PDE8A: variants seen among roughly 807,000 people sequenced by gnomAD.
PDE8A encodes the protein phosphodiesterase 8A.
In PDE8A, 59 loss-of-function variants were observed where a neutral mutation model predicts 105.0. The observed-to-expected ratio is 0.56, with a 90% confidence interval of 0.46 to 0.70. The LOEUF is 0.70. Among genes scored for constraint, PDE8A ranks in the 30% least tolerant of loss-of-function variants. The probability of loss-of-function intolerance (pLI) is 0.00; values close to 1 mark genes in which losing one functional copy is unlikely to be tolerated. For synonymous variants in PDE8A, 355 were observed against 371.9 expected (o/e 0.95, Z 0.52); for missense variants, 1,014 against 1,045.9 (o/e 0.97, Z 0.42).
chr15:85,105,656 G>C (rs1215712565), intron 11 of PDE8A, among the ~76,000 whole-genome samples: 1 of 152,148 alleles, frequency 6.6e-6, no homozygotes, highest in Non-Finnish European at 1.5e-5. Context: ...AGAGTTTATG[G>C]ACCCTATTTT....
intron 1 of PDE8A, among the ~76,000 whole-genome samples, chr15:85,020,249 T>G (rs1410207051): frequency 6.6e-6 from 1 of 152,172 alleles, no homozygotes; most frequent in South Asian, 2.1e-4. Flanking sequence ...TTGAAGTCCT[T>G]CAGTCACAGT....
chr15:85,099,210 G>T (rs921220343), intron 9 of PDE8A, among the ~76,000 whole-genome samples: 3 of 152,188 alleles, frequency 2.0e-5, no homozygotes, highest in African/African-American at 7.2e-5. Context: ...GTGAGGTTGG[G>T]ACTGTGATCG....
At chr15:85,113,572 A>T (rs2082050742) in intron 13 of PDE8A, 125 bp downstream of exon 13, 2 of 839,014 alleles carry the variant, frequency 2.4e-6, no homozygotes, top group South Asian at 2.8e-5. Context: ...GTGTGGTGCT[A>T]GTAGCCTCCT....
intron 12 of PDE8A, among the ~76,000 whole-genome samples, chr15:85,109,373 T>C (rs983423811): frequency 6.6e-6 from 1 of 152,234 alleles, no homozygotes; most frequent in Admixed American, 6.5e-5. Context: ...ATATATTCTA[T>C]AGTTGCTTTT....
intron 1 of PDE8A, among the ~76,000 whole-genome samples, chr15:84,989,744 T>C (rs1386626701): frequency 6.6e-6 from 1 of 152,250 alleles, no homozygotes; most frequent in African/African-American, 2.4e-5. Context: ...GGATTGACCA[T>C]TTTCTTATGA....
chr15:85,119,482 C>CAAAAAAAAAAAAAAAAAAAAAAAAA (rs2082148013), intron 17 of PDE8A, among the ~76,000 whole-genome samples: 1 of 56,238 alleles, frequency 1.8e-5, no homozygotes, highest in African/African-American at 5.6e-5. Context: ...AAAAAAAAAA[C>CAAAAAAAAAAAAAAAAAAAAAAAAA]ATTTATTGAA....
At chr15:85,043,841 G>T (rs2080849041) in intron 1 of PDE8A, among the ~76,000 whole-genome samples, 1 of 152,048 alleles carries the variant, frequency 6.6e-6, no homozygotes, top group Non-Finnish European at 1.5e-5. Context: ...GGGACTACAG[G>T]TGCCCACCAC....
chr15:84,991,596 C>G (rs2079886286), intron 1 of PDE8A, among the ~76,000 whole-genome samples: 2 of 152,154 alleles, frequency 1.3e-5, no homozygotes, highest in South Asian at 4.1e-4. Context: ...AGCTTCTCTT[C>G]TAGAAACTCT....
At chr15:85,015,952 A>G (rs1429047245) in intron 1 of PDE8A, among the ~76,000 whole-genome samples, 3 of 152,180 alleles carry the variant, frequency 2.0e-5, no homozygotes, top group African/African-American at 7.2e-5. Flanking sequence ...CCTGGCCAAC[A>G]TGGCAAAACC....
At chr15:85,124,970 A>G (rs1482469673) in intron 19 of PDE8A, among the ~76,000 whole-genome samples, 1 of 152,212 alleles carries the variant, frequency 6.6e-6, no homozygotes, top group Non-Finnish European at 1.5e-5. Context: ...ATCAATATCC[A>G]GTGGGTCAGA....
At chr15:85,101,927 C>G (rs2081869365) in intron 11 of PDE8A, among the ~76,000 whole-genome samples, 2 of 152,156 alleles carry the variant, frequency 1.3e-5, no homozygotes, top group South Asian at 4.1e-4. Flanking sequence ...TGTTTGTTCA[C>G]CCCTTTGCCC....
chr15:85,048,117 A>G (rs986462681), intron 1 of PDE8A, among the ~76,000 whole-genome samples: 1 of 152,150 alleles, frequency 6.6e-6, no homozygotes, highest in African/African-American at 2.4e-5. Context: ...CTGTAGGCAT[A>G]GTTTGCATAT....
At chr15:85,014,625 A>T (rs1334276486) in intron 1 of PDE8A, among the ~76,000 whole-genome samples, 2 of 152,250 alleles carry the variant, frequency 1.3e-5, no homozygotes, top group Non-Finnish European at 2.9e-5. Context: ...TGCTCTTATT[A>T]CCTATATTGA....
chr15:85,113,749 G>C, intron 13 of PDE8A, 124 bp from the exon 14 acceptor site: 2 of 732,984 alleles, frequency 2.7e-6, no homozygotes, highest in Non-Finnish European at 4.5e-6. Flanking sequence ...CAAACTCCTG[G>C]GCTCAAGTAA....
chr15:84,980,710 C>G (rs1034624480), upstream of PDE8A: 3 of 152,358 alleles, frequency 2.0e-5, no homozygotes, highest in Non-Finnish European at 4.4e-5. Flanking sequence ...CCAGTTCACA[C>G]AGCAAGCTAG....
At chr15:85,119,267 G>A (rs1194101447) in intron 17 of PDE8A, among the ~76,000 whole-genome samples, 1 of 151,692 alleles carries the variant, frequency 6.6e-6, no homozygotes, top group Non-Finnish European at 1.5e-5. Context: ...TCAGGAATTC[G>A]AGACCAGCCT....
chr15:85,065,437 C>T (rs1246756960), intron 2 of PDE8A, among the ~76,000 whole-genome samples: 1 of 147,258 alleles, frequency 6.8e-6, no homozygotes, highest in African/African-American at 2.5e-5. Context: ...ACATATGTAA[C>T]TAACCTGCAC....
At chr15:85,035,244 T>C (rs1374457579) in intron 1 of PDE8A, among the ~76,000 whole-genome samples, 2 of 143,202 alleles carry the variant, frequency 1.4e-5, no homozygotes, top group African/African-American at 5.3e-5. Flanking sequence ...GTTTCCCTCT[T>C]GTCACCCAGG....
intron 1 of PDE8A, among the ~76,000 whole-genome samples, chr15:84,983,489 C>G (rs1314640159): frequency 6.6e-6 from 1 of 152,192 alleles, no homozygotes; most frequent in Non-Finnish European, 1.5e-5. Flanking sequence ...AGGGGAAAGT[C>G]TTTTTCAGTG....
Sources: gnomAD v4.1 joint callset for allele counts (sites outside exome capture counted in the v4.1 genomes callset) on GRCh38, gnomAD v4.1.1 for gene constraint, MANE v1.5 for transcripts, NCBI Gene and HGNC (gene_info 2026-07-23, HGNC 2026-07-21) for gene names.